Variants in C2orf92 observed in about 807,000 individuals in gnomAD.
C2orf92 encodes the protein chromosome 2 open reading frame 92.
At chr2:97,671,220 G>C (rs1239800905) in intron 1 of C2orf92, 9 of 352,068 alleles carry the variant, frequency 2.6e-5, no homozygotes, top group Middle Eastern at 7.2e-4. Flanking sequence ...TGTTGGCCAG[G>C]CTGGTCATGA....
At chr2:97,668,172 T>C (rs1459844908), upstream of C2orf92, 1 of 152,210 alleles carries the variant, frequency 6.6e-6, no homozygotes, top group East Asian at 1.9e-4. Flanking sequence ...TTTTATATAT[T>C]CTTTGTTATT....
chr2:97,689,199 C>T (rs1172975330), intron 4 of C2orf92, among the ~76,000 whole-genome samples: 2 of 152,170 alleles, frequency 1.3e-5, no homozygotes, highest in Non-Finnish European at 2.9e-5. Context: ...GTGTGAATAT[C>T]CCTGTATTTT....
At chr2:97,680,883 G>A (rs185473707) in intron 3 of C2orf92, among the ~76,000 whole-genome samples, 6 of 151,964 alleles carry the variant, frequency 3.9e-5, no homozygotes, top group Middle Eastern at 6.8e-3. Context: ...CCGAGATTGC[G>A]CCACTGCACT....
Position 97,688,046 on chromosome 2 carries a change from C to G in C2orf92, c.233-849C>G, listed in dbSNP as rs537439605. Among the ~76,000 whole-genome samples the G allele has an allele frequency of 6.6e-4, 100 of 152,040 alleles. 1 individual carries two copies. Among genetic ancestry groups the G allele is most frequent in the African/African-American group, 2.2e-3 (93 of 41,448 alleles). Reference sequence around the variant, plus strand: ...GGGGGTTTGGGAAGCTCCCATCACCCCTCAAGAGTCCACTGACCAGCCCAG... The same window carrying G: ...GGGGGTTTGGGAAGCTCCCATCACCGCTCAAGAGTCCACTGACCAGCCCAG... On this transcript the variant is annotated intron_variant, in intron 3 of 7. Coordinates refer to ENST00000627399, the MANE Select transcript of C2orf92 (RefSeq NM_001351368.2).
chr2:97,678,438 A>G (rs1488747179), intron 3 of C2orf92, among the ~76,000 whole-genome samples: 3 of 152,118 alleles, frequency 2.0e-5, no homozygotes, highest in African/African-American at 4.8e-5. Flanking sequence ...ATGTTGAAAG[A>G]CATGAATGTG....
intron 3 of C2orf92, among the ~76,000 whole-genome samples, chr2:97,684,163 G>A (rs934149417): frequency 2.0e-4 from 30 of 151,832 alleles, no homozygotes; most frequent in African/African-American, 7.2e-4. Flanking sequence ...AGCCTCCCGA[G>A]TAGCTGGGAC....
chr2:97,688,214 A>G (rs943842989), intron 3 of C2orf92, among the ~76,000 whole-genome samples: 48 of 151,900 alleles, frequency 3.2e-4, no homozygotes, highest in South Asian at 4.2e-4. Context: ...GGTGACCCCA[A>G]TGGTTCATTT....
intron 3 of C2orf92, among the ~76,000 whole-genome samples, chr2:97,678,207 TA>T (rs1220198825): frequency 5.7e-4 from 39 of 68,734 alleles, no homozygotes; most frequent in South Asian, 1.2e-3. Flanking sequence ...CTCAAAAAAA[TA>T]AAAAAAAAAA....
intron 3 of C2orf92, among the ~76,000 whole-genome samples, chr2:97,677,989 A>G (rs2104550029): frequency 6.6e-6 from 1 of 152,280 alleles, no homozygotes; most frequent in South Asian, 2.1e-4. Context: ...TCATGAGGTC[A>G]GGAGATGAAG....
chr2:97,665,306 C>T (rs781681652), upstream of C2orf92, among the ~76,000 whole-genome samples: 2 of 152,140 alleles, frequency 1.3e-5, no homozygotes, highest in Non-Finnish European at 2.9e-5. Flanking sequence ...TGTACATGTA[C>T]ATTTCAATGA....
chr2:97,664,164 C>T, upstream of C2orf92: 1 of 218,450 alleles, frequency 4.6e-6, no homozygotes, highest in Non-Finnish European at 9.0e-6. Flanking sequence ...TTGAGGTCGT[C>T]CGGAAAAAAG....
chr2:97,665,240 A>C (rs921925154), upstream of C2orf92, among the ~76,000 whole-genome samples: 2 of 152,184 alleles, frequency 1.3e-5, no homozygotes, highest in Non-Finnish European at 2.9e-5. Flanking sequence ...TACCTCTCCC[A>C]ATGGGTTGTG....
At chr2:97,671,810 G>C (rs904960910) in intron 1 of C2orf92, 1 of 273,186 alleles carries the variant, frequency 3.7e-6, no homozygotes, top group African/African-American at 2.2e-5. Flanking sequence ...CCCCAAAGCC[G>C]AGCTGAACCT....
At chr2:97,698,785 C>T (rs919701875) in intron 5 of C2orf92, among the ~76,000 whole-genome samples, 4 of 152,076 alleles carry the variant, frequency 2.6e-5, no homozygotes, top group Admixed American at 6.5e-5. Flanking sequence ...GATGCACGCT[C>T]GAGTGTAAGA....
intron 3 of C2orf92, among the ~76,000 whole-genome samples, chr2:97,676,874 C>G (rs1327113847): frequency 6.6e-6 from 1 of 152,132 alleles, no homozygotes; most frequent in Non-Finnish European, 1.5e-5. Context: ...TCAGGTGATT[C>G]TAGGCTGTGA....
chr2:97,668,682 C>T (rs1559294661), upstream of C2orf92: 1 of 152,386 alleles, frequency 6.6e-6, no homozygotes, highest in Non-Finnish European at 1.5e-5. Context: ...GAGACAGAGT[C>T]TCGCCCGGTT....
At chr2:97,680,904 AG>A in intron 3 of C2orf92, among the ~76,000 whole-genome samples, 1 of 151,912 alleles carries the variant, frequency 6.6e-6, no homozygotes, top group African/African-American at 2.4e-5. Context: ...CCAGCCTGGG[AG>A]ACAGAGCGAG....
upstream of C2orf92, among the ~76,000 whole-genome samples, chr2:97,667,430 G>GT (rs1203203673): frequency 0.036 from 4,244 of 118,792 alleles, 177 homozygotes; most frequent in Non-Finnish European, 0.057. Context: ...GCCCAGCTAA[G>GT]TTTTTTTTTT....
upstream of C2orf92, chr2:97,665,721 CTCTCTCTCTCTCTCTCTATA>C (rs1256159883): frequency 7.3e-4 from 46 of 63,086 alleles, no homozygotes; most frequent in African/African-American, 2.1e-3. Flanking sequence ...CTCTCTCTCT[CTCTCTCTCTCTCTCTCTATA>C]TATATATATA....
Sources: allele counts gnomAD v4.1 joint callset (sites outside exome capture counted in the v4.1 genomes callset), GRCh38; gene constraint gnomAD v4.1.1; transcripts MANE v1.5; gene names NCBI Gene and HGNC (gene_info 2026-07-23, HGNC 2026-07-21).